The following SPAG9 variants were observed in gnomAD, a reference collection of about 807,000 sequenced individuals.
SPAG9 encodes the protein sperm associated antigen 9.
Under a neutral mutation model 166.5 loss-of-function variants are expected in SPAG9, and 35 were observed. The observed-to-expected ratio is 0.21, with a 90% CI of 0.16 to 0.28. The LOEUF is 0.28. SPAG9 is among the 10% of genes least tolerant of loss of function. The pLI is 1.00. For synonymous variants in SPAG9, 534 were observed against 565.5 expected (o/e 0.94, Z 0.79); for missense variants, 1,235 against 1,603.3 (o/e 0.77, Z 3.92).
intron 6 of SPAG9, among the ~76,000 whole-genome samples, chr17:51,029,291 GC>G (rs780366738): frequency 6.6e-6 from 1 of 152,066 alleles, no homozygotes; most frequent in East Asian, 1.9e-4. Context: ...TCATCACCTG[GC>G]CCCCATCAGG....
intron 13 of SPAG9, among the ~76,000 whole-genome samples, chr17:50,999,986 C>T (rs182931265): frequency 2.6e-5 from 4 of 152,206 alleles, no homozygotes; most frequent in South Asian, 2.1e-4. Flanking sequence ...AGACAGCCAA[C>T]ATGCCTGAAT....
intron 8 of SPAG9, among the ~76,000 whole-genome samples, chr17:51,018,300 G>T (rs1461204881): frequency 1.3e-5 from 2 of 151,468 alleles, no homozygotes; most frequent in Admixed American, 6.6e-5. Context: ...GTGGGGTGAA[G>T]GTTGCAGTGA....
At chr17:50,990,425 T>C (rs957800268) in intron 20 of SPAG9, 25 bp downstream of exon 20, 4 of 1,502,478 alleles carry the variant, frequency 2.7e-6, no homozygotes, top group East Asian at 2.3e-5. Flanking sequence ...TCTATACAGA[T>C]GGCAGGTAAA....
intron 1 of SPAG9, among the ~76,000 whole-genome samples, chr17:51,089,092 A>AAAAAC (rs370434015): frequency 2.0e-5 from 3 of 151,402 alleles, no homozygotes; most frequent in South Asian, 2.1e-4. Flanking sequence ...ATTCTGTCTC[A>AAAAAC]AAAACAAAAC....
intron 3 of SPAG9, among the ~76,000 whole-genome samples, chr17:51,049,116 C>A (rs970963307): frequency 4.6e-5 from 7 of 152,092 alleles, no homozygotes; most frequent in Admixed American, 3.3e-4. Context: ...CAGTGGCTCA[C>A]GCCTGTAATC....
At chr17:51,086,967 T>G (rs190414277) in intron 1 of SPAG9, among the ~76,000 whole-genome samples, 13 of 152,084 alleles carry the variant, frequency 8.5e-5, no homozygotes, top group African/African-American at 3.1e-4. Context: ...TGCTAATCAC[T>G]AATATGCAAC....
rs1206791807 is a variant in SPAG9 at position 51,115,868 on chromosome 17, AG to A, written c.303+4485del. On this transcript the variant is annotated intron_variant, in intron 1 of 29. Coordinates refer to ENST00000262013, the MANE Select transcript of SPAG9 (RefSeq NM_001130528.3). ...GAAAAGAAAAGAAAAGAAAAAGAAA[AG>A]GAAGGAAGACAATGCCTCTTCGTTT... Among the ~76,000 whole-genome samples, 10 of 151,582 alleles carry A rather than the reference AG, an allele frequency of 6.6e-5. No individual in the cohort carries two copies. The South Asian group carries it at 1.7e-3, about 25-fold the overall frequency.
At position 51,000,659 on chromosome 17, in the gene SPAG9, G is replaced by C. The variant is rs143010758; in HGVS notation, c.1608-942C>G. On this transcript the variant is annotated intron_variant, in intron 13 of 29. Transcript: ENST00000262013. ...ATGAGGCAGAACTGCTTGAACCCAGGGGGTGGAGGTTGCAGTGAGCCGAGA... is the reference window on the plus strand; with the variant it reads ...ATGAGGCAGAACTGCTTGAACCCAGCGGGTGGAGGTTGCAGTGAGCCGAGA... Among the ~76,000 whole-genome samples, 665 of 150,858 alleles carry C rather than the reference G, an allele frequency of 4.4e-3. 1 individual carries two copies. Among genetic ancestry groups the C allele is most frequent in the Non-Finnish European group, 7.4e-3 (500 of 67,624 alleles).
intron 2 of SPAG9, among the ~76,000 whole-genome samples, chr17:51,063,736 G>C (rs2047583666): frequency 6.6e-6 from 1 of 151,964 alleles, no homozygotes; most frequent in South Asian, 2.1e-4. Flanking sequence ...ACAAAAATTA[G>C]CCAGGTGTGG....
chr17:51,102,951 G>A (rs2048847936), intron 1 of SPAG9, among the ~76,000 whole-genome samples: 1 of 152,074 alleles, frequency 6.6e-6, no homozygotes, highest in African/African-American at 2.4e-5. Flanking sequence ...ACTTCTGAAA[G>A]TAATTCCAAT....
chr17:51,029,594 G>A (rs1435458353), intron 6 of SPAG9, among the ~76,000 whole-genome samples: 1 of 152,096 alleles, frequency 6.6e-6, no homozygotes, highest in African/African-American at 2.4e-5. Context: ...AAAAGGAAGG[G>A]AATTCTGTCA....
intron 1 of SPAG9, among the ~76,000 whole-genome samples, chr17:51,099,786 A>AC (rs2048754972): frequency 1.3e-5 from 2 of 150,580 alleles, no homozygotes; most frequent in African/African-American, 4.9e-5. Context: ...AAAAAAAAAA[A>AC]AAACTAGAAA....
intron 28 of SPAG9, among the ~76,000 whole-genome samples, chr17:50,971,747 A>G (rs1001719857): frequency 2.0e-5 from 3 of 151,872 alleles, no homozygotes; most frequent in Admixed American, 1.3e-4. Context: ...GGCATGAGCC[A>G]CTGCACCTGG....
chr17:51,000,751 GAATGAATAAATA>G (rs112151338), intron 13 of SPAG9, among the ~76,000 whole-genome samples: 3,018 of 133,488 alleles, frequency 0.023, 71 homozygotes, highest in African/African-American at 0.061. Context: ...CTCAATAAAT[GAATGAATAAATA>G]AATAAATAAA....
chr17:50,979,936 T>C lies in SPAG9; in HGVS notation c.3238-19A>G. 1 of 1,603,228 alleles carries C rather than the reference T, an allele frequency of 6.2e-7. No individual in the cohort carries two copies. The highest frequency in any genetic ancestry group is 8.5e-7 in the Non-Finnish European group (1 of 1,170,674). On this transcript the variant is annotated intron_variant, in intron 25 of 29. Coordinates refer to ENST00000262013, the MANE Select transcript of SPAG9 (RefSeq NM_001130528.3). ...AAGATTTCTAGGAGAGATTGTCCAA[T>C]CACAAAGTTACTTTTGCTACATAGA...
intron 6 of SPAG9, among the ~76,000 whole-genome samples, chr17:51,028,949 T>C (rs1275651771): frequency 2.0e-5 from 3 of 152,164 alleles, no homozygotes; most frequent in South Asian, 2.1e-4. Flanking sequence ...TCTGACATCA[T>C]TAAGATATCT....
intron 5 of SPAG9, chr17:51,040,512 C>T (rs2046797774): frequency 6.6e-6 from 1 of 152,130 alleles, no homozygotes; most frequent in Admixed American, 6.5e-5. Context: ...CTTATATTGT[C>T]CCCAAAGATT....
In SPAG9 at chr17:50,994,611, T is replaced by C. The variant is rs1975909181; in HGVS notation, c.2226+446A>G. On this transcript the variant is annotated intron_variant, in intron 18 of 29. Coordinates refer to ENST00000262013, the MANE Select transcript of SPAG9 (RefSeq NM_001130528.3). Reference sequence around the variant, plus strand: ...TACAAAAAATAAAATTAGCCAGGTGTGGTGGTGTGGGTGTGTAGTCCCAGC... The same window carrying C: ...TACAAAAAATAAAATTAGCCAGGTGCGGTGGTGTGGGTGTGTAGTCCCAGC... Among the ~76,000 whole-genome samples, 5 of 151,986 alleles carry C rather than the reference T, an allele frequency of 3.3e-5. No homozygotes were observed. In the South Asian group the frequency reaches 1.0e-3, roughly 32 times the overall value.
intron 5 of SPAG9, among the ~76,000 whole-genome samples, chr17:51,032,442 G>A (rs1249565506): frequency 2.0e-5 from 3 of 152,080 alleles, no homozygotes; most frequent in Non-Finnish European, 4.4e-5. Flanking sequence ...GGGATTACAG[G>A]CATGAGCCAT....
Sources: allele counts gnomAD v4.1 joint callset (sites outside exome capture counted in the v4.1 genomes callset), GRCh38; gene constraint gnomAD v4.1.1; transcripts MANE v1.5; gene names NCBI Gene and HGNC (gene_info 2026-07-23, HGNC 2026-07-21).